The following GRID2 variants were observed in gnomAD, a reference collection of about 807,000 sequenced individuals.
GRID2 encodes glutamate ionotropic receptor delta type subunit 2.
Under a neutral mutation model 114.8 loss-of-function variants are expected in GRID2, and 33 were observed. That is an observed-to-expected ratio of 0.29 (90% CI 0.22 to 0.38). The LOEUF (loss-of-function observed/expected upper bound fraction) is 0.38. Among genes scored for constraint, GRID2 ranks in the 10% least tolerant of loss-of-function variants. The pLI is 1.00. For missense variants in GRID2, 1,184 were observed against 1,257.7 expected (o/e 0.94, Z 0.89); for synonymous variants, 505 against 449.9 (o/e 1.12, Z -1.55).
intron 2 of GRID2, among the ~76,000 whole-genome samples, chr4:92,617,707 C>T (rs1437168971): frequency 6.6e-6 from 1 of 151,622 alleles, no homozygotes; most frequent in Non-Finnish European, 1.5e-5. Context: ...ATTAAAACTA[C>T]AGTATGATAC....
At chr4:93,479,668 CTG>C (rs1379320015) in intron 11 of GRID2, among the ~76,000 whole-genome samples, 1 of 152,086 alleles carries the variant, frequency 6.6e-6, no homozygotes, top group East Asian at 1.9e-4. Context: ...AGGGGAAAAA[CTG>C]TGTTTTAGCT....
At chr4:93,772,053 AT>A in intron 15 of GRID2, 22 bp from the exon 16 acceptor site, 1 of 1,498,884 alleles carries the variant, frequency 6.7e-7, no homozygotes, top group South Asian at 1.1e-5. Context: ...TGAGAACCTT[AT>A]TTTCTTTTTC....
intron 8 of GRID2, among the ~76,000 whole-genome samples, chr4:93,374,718 A>G: frequency 6.6e-6 from 1 of 152,190 alleles, no homozygotes; most frequent in East Asian, 1.9e-4. Flanking sequence ...ATACATTCCT[A>G]GAAGATAAAA....
intron 1 of GRID2, among the ~76,000 whole-genome samples, chr4:92,307,284 G>T (rs1426404140): frequency 2.0e-5 from 3 of 152,068 alleles, no homozygotes; most frequent in Non-Finnish European, 4.4e-5. Context: ...AGGACTGAAG[G>T]AATGAATGTG....
Position 93,464,071 on chromosome 4 carries a change from A to G in GRID2, c.1858+8097A>G, listed in dbSNP as rs561777000. ...AATCTGAGTAGAACTCAGTGTTTTT[A>G]CAGTACCATATTACAATTTTTTCAG... On this transcript the variant is annotated intron_variant, in intron 11 of 15. Coordinates refer to ENST00000282020, the MANE Select transcript of GRID2 (RefSeq NM_001510.4). 1.4e-4 allele frequency among the ~76,000 whole-genome samples: 21 copies of G among 152,324 alleles called. 1 individual carries two copies. The South Asian group carries it at 4.3e-3, about 32-fold the overall frequency.
At chr4:92,569,625 G>A (rs1304517034) in intron 1 of GRID2, among the ~76,000 whole-genome samples, 1 of 151,952 alleles carries the variant, frequency 6.6e-6, no homozygotes, top group Non-Finnish European at 1.5e-5. Context: ...CCACAACCTT[G>A]CCAGCATCTG....
intron 2 of GRID2, among the ~76,000 whole-genome samples, chr4:92,976,518 T>C (rs1753885254): frequency 6.6e-6 from 1 of 152,112 alleles, no homozygotes; most frequent in South Asian, 2.1e-4. Flanking sequence ...TACCCTTTTA[T>C]GATCAATTTT....
At chr4:93,064,233 A>G (rs1728064945) in intron 2 of GRID2, among the ~76,000 whole-genome samples, 2 of 151,016 alleles carry the variant, frequency 1.3e-5, no homozygotes, top group African/African-American at 4.8e-5. Context: ...TTCTTCTTGT[A>G]TTTTTTCCAT....
intron 2 of GRID2, among the ~76,000 whole-genome samples, chr4:92,634,755 T>C (rs1730981230): frequency 6.6e-6 from 1 of 150,946 alleles, no homozygotes; most frequent in East Asian, 2.0e-4. Flanking sequence ...TTCTTTTTTT[T>C]TTTTTTTCAG....
chr4:93,104,840 G>T (rs1216372177), intron 3 of GRID2, among the ~76,000 whole-genome samples: 1 of 152,020 alleles, frequency 6.6e-6, no homozygotes. Context: ...GGATGGCTGG[G>T]TCAAATGGTA....
chr4:92,649,703 C>T (rs1731829487), intron 2 of GRID2, among the ~76,000 whole-genome samples: 2 of 151,962 alleles, frequency 1.3e-5, no homozygotes, highest in Admixed American at 1.3e-4. Context: ...CATAATTCTG[C>T]TTAACATTAT....
intron 2 of GRID2, among the ~76,000 whole-genome samples, chr4:92,884,182 T>C (rs1746211040): frequency 6.6e-6 from 1 of 152,214 alleles, no homozygotes; most frequent in Non-Finnish European, 1.5e-5. Flanking sequence ...ATGGCTTCTT[T>C]CCTTAAAACC....
Position 92,444,049 on chromosome 4 carries a change from C to T in GRID2, c.88+139305C>T, listed in dbSNP as rs762457092. 6.6e-5 allele frequency among the ~76,000 whole-genome samples: 10 copies of T among 152,228 alleles called. No individual in the cohort carries two copies. In the South Asian group the frequency reaches 8.3e-4, roughly 13 times the overall value. On this transcript the variant is annotated intron_variant, in intron 1 of 15. Transcript: ENST00000282020. ...ATTGGAGAAGAGAGTCAGAAGAGGC[C>T]GCTTAACTGATTTAAAATTGGTGAG...
At chr4:93,593,902 C>T (rs1738712953) in intron 13 of GRID2, among the ~76,000 whole-genome samples, 2 of 152,048 alleles carry the variant, frequency 1.3e-5, no homozygotes, top group South Asian at 2.1e-4. Flanking sequence ...GTTTTCAGGT[C>T]CATCAGCTCC....
intron 1 of GRID2, among the ~76,000 whole-genome samples, chr4:93,784,423 G>A (rs1030826413): frequency 5.3e-5 from 8 of 152,080 alleles, no homozygotes; most frequent in African/African-American, 1.7e-4. Context: ...GAGAAGCAGC[G>A]TTTGAGCCAA....
chr4:93,629,894 T>A (rs1427317758), intron 14 of GRID2, among the ~76,000 whole-genome samples: 2 of 152,204 alleles, frequency 1.3e-5, no homozygotes, highest in Admixed American at 6.5e-5. Context: ...TATGAGGCAT[T>A]GCACATTTGT....
chr4:92,511,729 A>G (rs967569767), intron 1 of GRID2, among the ~76,000 whole-genome samples: 2 of 151,936 alleles, frequency 1.3e-5, no homozygotes. Flanking sequence ...GGAACAAGCA[A>G]ATCAATGAAA....
chr4:92,318,908 A>G lies in GRID2; in HGVS notation c.88+14164A>G, dbSNP rs1726157387. On this transcript the variant is annotated intron_variant, in intron 1 of 15. Transcript: ENST00000282020. ...CAGCATCTTTGAATCTTTGTTTCTTATTTGGTGTAGGCAGGGAGCTCCCTT... is the reference window on the plus strand; with the variant it reads ...CAGCATCTTTGAATCTTTGTTTCTTGTTTGGTGTAGGCAGGGAGCTCCCTT... Among the ~76,000 whole-genome samples the G allele has an allele frequency of 2.0e-5, 3 of 151,992 alleles. No individual in the cohort carries two copies. In the South Asian group the frequency reaches 6.2e-4, roughly 32 times the overall value.
intron 1 of GRID2, among the ~76,000 whole-genome samples, chr4:92,365,035 T>C (rs867453152): frequency 2.3e-4 from 35 of 152,012 alleles, no homozygotes; most frequent in African/African-American, 7.7e-4. Context: ...ATCTACTACA[T>C]TGTTGGTGGG....
Sources: gnomAD v4.1 joint callset for allele counts (sites outside exome capture counted in the v4.1 genomes callset) on GRCh38, gnomAD v4.1.1 for gene constraint, MANE v1.5 for transcripts, NCBI Gene and HGNC (gene_info 2026-07-23, HGNC 2026-07-21) for gene names.